Variants in PACS2 observed in about 807,000 individuals in gnomAD.
PACS2 encodes the protein phosphofurin acidic cluster sorting protein 2.
A neutral mutation model predicts 113.0 loss-of-function variants in PACS2; 36 were observed. The ratio of observed to expected loss-of-function variants is 0.32; its 90% CI spans 0.24 to 0.42. The LOEUF is 0.42. Among genes scored for constraint, PACS2 ranks in the 10% least tolerant of loss-of-function variants. The pLI, the probability that PACS2 is intolerant of heterozygous loss-of-function variation, is 1.00. For missense variants in PACS2, 1,015 were observed against 1,239.5 expected (o/e 0.82, Z 2.72); for synonymous variants, 589 against 536.1 (o/e 1.10, Z -1.36).
chr14:105,360,919 C>A (rs967546295), intron 4 of PACS2, among the ~76,000 whole-genome samples: 7 of 152,176 alleles, frequency 4.6e-5, no homozygotes, highest in African/African-American at 1.7e-4. Flanking sequence ...GGAGCAGATT[C>A]CATCTTAAGA....
chr14:105,306,407 G>A (rs771524299), intron 1 of PACS2, among the ~76,000 whole-genome samples: 20 of 152,062 alleles, frequency 1.3e-4, no homozygotes, highest in Non-Finnish European at 2.2e-4. Context: ...AGGTTCAAGC[G>A]ATTCTCCTGC....
chr14:105,368,270 T>A (rs2061013984), intron 6 of PACS2, 123 bp downstream of exon 6: 1 of 836,448 alleles, frequency 1.2e-6, no homozygotes, highest in Non-Finnish European at 1.9e-6. Context: ...GCCTGGCCCC[T>A]GGTTGGCCGC....
In PACS2 at chr14:105,314,956, C is replaced by T. The variant is rs1265400263; in HGVS notation, c.38C>T (p.Pro13Leu). The T allele has an allele frequency of 3.3e-4, 395 of 1,191,758 alleles. 5 individuals are homozygous for T. The highest frequency in any genetic ancestry group is 2.1e-5 in the Non-Finnish European group (20 of 942,000). The allele number at this position is 1,191,758 out of a possible 1,614,324, so 73.8% of individuals were successfully genotyped here. A position where few individuals can be genotyped will look rare whatever the true frequency, so the allele number is the denominator to read the frequency against. The change falls in exon 1 of 25, where the codon CCC (proline) becomes CTC (leucine). Residue 13 changes from proline (P) to leucine (L), a missense_variant. Coordinates refer to ENST00000447393, the MANE Select transcript of PACS2 (RefSeq NM_001100913.3). ...GGCCGCCTCGGCCTCCCCGGCGCGCCCGGCGCGCTCAACACGCCCGTGCCC... is the reference window on the plus strand; with the variant it reads ...GGCCGCCTCGGCCTCCCCGGCGCGCTCGGCGCGCTCAACACGCCCGTGCCC... ...ERGRLGLPGAPGALNTPVPMN... is the reference protein window; with the variant it reads ...ERGRLGLPGALGALNTPVPMN...
intron 2 of PACS2, among the ~76,000 whole-genome samples, chr14:105,351,087 C>T (rs1476254764): frequency 6.6e-6 from 1 of 152,212 alleles, no homozygotes; most frequent in Non-Finnish European, 1.5e-5. Context: ...TGTCCTGGAC[C>T]CCCGCCCGCC....
At chr14:105,341,321 C>A (rs1004318184) in intron 1 of PACS2, among the ~76,000 whole-genome samples, 1 of 152,198 alleles carries the variant, frequency 6.6e-6, no homozygotes, top group Admixed American at 6.5e-5. Flanking sequence ...TCACCTATTT[C>A]GAGCAGACAC....
chr14:105,367,175 G>A (rs373418077), intron 4 of PACS2, 38 bp from the exon 5 acceptor site: 255 of 1,595,984 alleles, frequency 1.6e-4, no homozygotes, highest in South Asian at 2.7e-4. Context: ...GCTCCTTCCC[G>A]TCGTGCTGCT....
intron 1 of PACS2, among the ~76,000 whole-genome samples, chr14:105,306,587 G>A (rs2058194010): frequency 6.6e-6 from 1 of 151,872 alleles, no homozygotes; most frequent in African/African-American, 2.4e-5. Flanking sequence ...ATAGGCATGA[G>A]CCACCACACC....
chr14:105,323,310 T>C lies in PACS2; in HGVS notation c.119+8273T>C, dbSNP rs144755655. On this transcript the variant is annotated intron_variant, in intron 1 of 24. Transcript: ENST00000447393. This position sits in a 1 kb window ranked among gnomAD's most constrained non-coding sequence, Gnocchi z 4.1. ...CTTCCTGCCGGATCCTCCACATCCATAGATGCACTGGGTGGTGTCAGTGGG... is the reference window on the plus strand; with the variant it reads ...CTTCCTGCCGGATCCTCCACATCCACAGATGCACTGGGTGGTGTCAGTGGG... Among the ~76,000 whole-genome samples, 1,292 of 152,290 alleles carry C rather than the reference T, an allele frequency of 8.5e-3. 18 individuals carry two copies. The highest frequency in any genetic ancestry group is 7.1e-3 in the Non-Finnish European group (481 of 68,022).
At position 105,357,030 on chromosome 14, in the gene PACS2, C is replaced by G. The variant is rs587597822; in HGVS notation, c.423+1853C>G. Among the ~76,000 whole-genome samples, 3 of 152,302 alleles carry G rather than the reference C, an allele frequency of 2.0e-5. No homozygotes were observed. Among genetic ancestry groups the G allele is most frequent in the Admixed American group, 6.5e-5 (1 of 15,304 alleles). Reference sequence around the variant, plus strand: ...CCCTGTGTAGCCATGCAGGTGATGTCCTGCTGATCCCTGCCGGTCCCTGTG... The same window carrying G: ...CCCTGTGTAGCCATGCAGGTGATGTGCTGCTGATCCCTGCCGGTCCCTGTG... On this transcript the variant is annotated intron_variant, in intron 4 of 24. Transcript: ENST00000447393. This position sits in a 1 kb window ranked among gnomAD's most constrained non-coding sequence, Gnocchi z 5.1.
At chr14:105,370,164 AGTTT>A in intron 8 of PACS2, 1 of 395,622 alleles carries the variant, frequency 2.5e-6, no homozygotes, top group Non-Finnish European at 4.6e-6. Flanking sequence ...TGTAACCATT[AGTTT>A]GTGTGTTTTT....
At chr14:105,368,416 A>C (rs782561685) in intron 6 of PACS2, 43 bp from the exon 7 acceptor site, 3 of 1,473,894 alleles carry the variant, frequency 2.0e-6, no homozygotes, top group Admixed American at 1.7e-5. Context: ...TGCCAGCACT[A>C]TGCAGGCTGC....
rs2081514429 is a variant in PACS2, at chr14:105,395,853, C to T, written c.*1181C>T. On this transcript the variant is annotated 3_prime_UTR_variant, in exon 25 of 25. Transcript: ENST00000447393. The stretch of plus-strand genomic sequence containing the variant: ...CCTGCCCCCTCAGTCCTGCTTCTCC[C>T]CAGTAAGCCTGCACTGTGGGGTCTC... The T allele has an allele frequency of 6.6e-6, 1 of 152,392 alleles. No individual in the cohort carries two copies. Among genetic ancestry groups the T allele is most frequent in the Non-Finnish European group, 1.5e-5 (1 of 68,208 alleles). 9.4% of individuals were successfully genotyped at this position (152,392 alleles called of 1,614,324 possible).
chr14:105,352,685 C>T (rs1381837362), intron 3 of PACS2, among the ~76,000 whole-genome samples: 1 of 140,814 alleles, frequency 7.1e-6, no homozygotes, highest in Admixed American at 7.0e-5. Flanking sequence ...GGCGACGGGC[C>T]CCGTCATCCC....
intron 1 of PACS2, among the ~76,000 whole-genome samples, chr14:105,342,468 C>T (rs1241572982): frequency 6.6e-6 from 1 of 151,826 alleles, no homozygotes; most frequent in Non-Finnish European, 1.5e-5. Context: ...AGGGTTTCGC[C>T]ATGTTGGCCA....
intron 1 of PACS2, among the ~76,000 whole-genome samples, chr14:105,342,522 G>A (rs868979925): frequency 2.6e-4 from 39 of 152,092 alleles, no homozygotes; most frequent in Middle Eastern, 3.4e-3. Context: ...ACCCGCCTCG[G>A]CCTCCCACAG....
At chr14:105,386,905 G>A (rs1369890072) in intron 19 of PACS2, among the ~76,000 whole-genome samples, 1 of 152,192 alleles carries the variant, frequency 6.6e-6, no homozygotes, top group Non-Finnish European at 1.5e-5. Context: ...CCTGGCTGTG[G>A]CACGAGGAGC....
chr14:105,313,104 C>A (rs587706520), upstream of PACS2, among the ~76,000 whole-genome samples: 1 of 152,198 alleles, frequency 6.6e-6, no homozygotes, highest in Non-Finnish European at 1.5e-5. Flanking sequence ...ACGGCTTAGT[C>A]ACCCCGCATC....
At chr14:105,350,940 C>T (rs1475289662) in intron 2 of PACS2, among the ~76,000 whole-genome samples, 1 of 152,206 alleles carries the variant, frequency 6.6e-6, no homozygotes, top group Non-Finnish European at 1.5e-5. Flanking sequence ...GCACGTGAGG[C>T]CCCAGCACAA....
rs782813839 is a variant in PACS2, at chr14:105,384,395, G to A, written c.1823G>A (p.Arg608His). ...AGGTACCTAGGCTCCGTGGACTACC[G>A]CTACAACAACTTCTTCCAGGACCTG... is the stretch of plus-strand genomic sequence containing the variant. The part of the protein sequence containing the change: ...VARYLGSVDY[R>H]YNNFFQDLAW... The change falls in exon 17 of 25, where the codon CGC becomes CAC. Residue 608 changes from arginine (R) to histidine (H), a missense_variant. Transcript: ENST00000447393. The A allele has an allele frequency of 3.1e-6, 5 of 1,612,308 alleles. No homozygotes were observed. Among genetic ancestry groups the A allele is most frequent in the African/African-American group, 1.3e-5 (1 of 74,936 alleles).
Sources: allele counts gnomAD v4.1 joint callset (sites outside exome capture counted in the v4.1 genomes callset), GRCh38; gene constraint gnomAD v4.1.1; non-coding constraint Gnocchi (gnomAD v3.1); transcripts MANE v1.5; gene names NCBI Gene and HGNC (gene_info 2026-07-23, HGNC 2026-07-21).